Variants in INPP4B observed in about 807,000 individuals in gnomAD.
INPP4B encodes inositol polyphosphate-4-phosphatase type II B.
A neutral mutation model predicts 122.5 loss-of-function variants in INPP4B; 55 were observed. That is an observed-to-expected ratio of 0.45 (90% CI 0.36 to 0.56). INPP4B has a LOEUF of 0.56. Among genes scored for constraint, INPP4B ranks in the 20% least tolerant of loss-of-function variants. The pLI, the probability that INPP4B is intolerant of heterozygous loss-of-function variation, is 0.00. For synonymous variants in INPP4B, 403 were observed against 388.7 expected (o/e 1.04, Z -0.43); for missense variants, 1,000 against 1,097.7 (o/e 0.91, Z 1.26).
At chr4:142,664,847 T>C (rs1016742660) in intron 2 of INPP4B, among the ~76,000 whole-genome samples, 1 of 152,222 alleles carries the variant, frequency 6.6e-6, no homozygotes, top group Non-Finnish European at 1.5e-5. Context: ...GCAGAATATG[T>C]TCTGAGAAAT....
chr4:142,811,471 A>G (rs1343195289), intron 1 of INPP4B, among the ~76,000 whole-genome samples: 2 of 152,206 alleles, frequency 1.3e-5, no homozygotes, highest in African/African-American at 4.8e-5. Context: ...TACTGTGGAT[A>G]TCAATGGAAA....
chr4:142,651,252 G>T (rs1256437995), intron 2 of INPP4B, among the ~76,000 whole-genome samples: 1 of 152,146 alleles, frequency 6.6e-6, no homozygotes, highest in Non-Finnish European at 1.5e-5. Context: ...GCACTAAAAT[G>T]CCTGCAAGAG....
intron 2 of INPP4B, among the ~76,000 whole-genome samples, chr4:142,512,576 A>T (rs1205741670): frequency 6.6e-6 from 1 of 152,162 alleles, no homozygotes; most frequent in Non-Finnish European, 1.5e-5. Context: ...GTTTATGAGG[A>T]AAAAAATGTA....
rs191660799 is a variant in INPP4B, at chr4:142,195,085, T to C, written c.1073-1890A>G. 2.1e-3 allele frequency among the ~76,000 whole-genome samples: 326 copies of C among 152,260 alleles called. 2 individuals are homozygous for C. Among genetic ancestry groups the C allele is most frequent in the South Asian group, 0.013 (62 of 4,828 alleles). On this transcript the variant is annotated intron_variant, in intron 14 of 25. Transcript: ENST00000262992. ...TGGGTGACCAGCAATACCAACAATA[T>C]ACAGAATGACTAAAAATATTATTCA...
intron 2 of INPP4B, among the ~76,000 whole-genome samples, chr4:142,692,914 T>TATAGATAGATAG (rs3080817): frequency 0.033 from 4,953 of 148,318 alleles, 107 homozygotes; most frequent in Middle Eastern, 0.075. Context: ...GGCTAGTCTC[T>TATAGATAGATAG]ATAGATAGAT....
intron 5 of INPP4B, among the ~76,000 whole-genome samples, chr4:142,428,385 A>T (rs1355364282): frequency 6.6e-6 from 1 of 151,682 alleles, no homozygotes; most frequent in Non-Finnish European, 1.5e-5. Flanking sequence ...ACTTAGTTTA[A>T]AATAAAATAT....
At chr4:142,239,401 A>C (rs1420820901) in intron 11 of INPP4B, among the ~76,000 whole-genome samples, 1 of 152,178 alleles carries the variant, frequency 6.6e-6, no homozygotes, top group East Asian at 1.9e-4. Flanking sequence ...AAAATACTGC[A>C]TTTTAAAATC....
chr4:142,660,732 C>G (rs1183950681), intron 2 of INPP4B: 1 of 152,110 alleles, frequency 6.6e-6, no homozygotes, highest in East Asian at 1.9e-4. Context: ...CCCCTTGTTT[C>G]ACTTTGATAC....
intron 3 of INPP4B, among the ~76,000 whole-genome samples, chr4:142,431,666 G>T (rs528483004): frequency 5.5e-4 from 84 of 152,090 alleles, no homozygotes; most frequent in Non-Finnish European, 9.1e-4. Context: ...ATAGCTATAG[G>T]GGCTGCTAAC....
chr4:142,447,928 C>G (rs1334602540), intron 3 of INPP4B, among the ~76,000 whole-genome samples: 3 of 151,926 alleles, frequency 2.0e-5, no homozygotes, highest in African/African-American at 7.3e-5. Context: ...AAACATTCCC[C>G]AAAGAAGTGG....
In INPP4B at chr4:142,732,249, G is replaced by A. The variant is rs138157223; in HGVS notation, c.-253-6348C>T. Among the ~76,000 whole-genome samples, 1,386 of 152,158 alleles carry A rather than the reference G, an allele frequency of 9.1e-3. 10 individuals carry two copies. The highest frequency in any genetic ancestry group is 0.017 in the Middle Eastern group (5 of 294). On this transcript the variant is annotated intron_variant, in intron 1 of 25. Transcript: ENST00000262992. ...AGAGGCAATGGTTCCAGTTTATCTA[G>A]CATCTACTCACATGCTGATGAACTA...
chr4:142,511,502 C>T (rs898311638), intron 2 of INPP4B, among the ~76,000 whole-genome samples: 2 of 152,076 alleles, frequency 1.3e-5, no homozygotes, highest in African/African-American at 4.8e-5. Flanking sequence ...AGGTCGTGAG[C>T]TAACAAAAGT....
At chr4:142,202,528 C>A (rs1841080623) in intron 14 of INPP4B, among the ~76,000 whole-genome samples, 1 of 152,040 alleles carries the variant, frequency 6.6e-6, no homozygotes, top group Non-Finnish European at 1.5e-5. Context: ...CTCTCACATT[C>A]TTGAGATACA....
intron 7 of INPP4B, among the ~76,000 whole-genome samples, chr4:142,326,821 G>A (rs1054583997): frequency 6.6e-6 from 1 of 152,062 alleles, no homozygotes; most frequent in African/African-American, 2.4e-5. Context: ...TTTTTTACTT[G>A]TATTATTTCA....
intron 2 of INPP4B, among the ~76,000 whole-genome samples, chr4:142,719,856 A>T (rs1370475632): frequency 6.6e-6 from 1 of 152,196 alleles, no homozygotes; most frequent in Non-Finnish European, 1.5e-5. Context: ...TAAGGAAAAA[A>T]ATTAAAGATA....
chr4:142,670,343 C>A (rs1360563104), intron 2 of INPP4B, among the ~76,000 whole-genome samples: 1 of 152,038 alleles, frequency 6.6e-6, no homozygotes, highest in African/African-American at 2.4e-5. Context: ...TCTACATTTC[C>A]ATGTTTATTG....
intron 2 of INPP4B, among the ~76,000 whole-genome samples, chr4:142,549,015 C>T (rs116574739): frequency 0.019 from 2,946 of 152,050 alleles, 48 homozygotes; most frequent in Middle Eastern, 0.048. Flanking sequence ...TGAAATGGGA[C>T]CTGAGAGCTT....
intron 2 of INPP4B, among the ~76,000 whole-genome samples, chr4:142,579,916 T>C (rs1027157170): frequency 4.0e-5 from 6 of 151,486 alleles, no homozygotes; most frequent in African/African-American, 1.5e-4. Flanking sequence ...GATAGATAGA[T>C]AGATAGATAG....
At chr4:142,813,538 C>T (rs140184725) in intron 1 of INPP4B, among the ~76,000 whole-genome samples, 152 of 152,136 alleles carry the variant, frequency 1.0e-3, no homozygotes, top group Non-Finnish European at 1.3e-3. Flanking sequence ...GAATGATGTT[C>T]GGGGTTATTC....
Sources: allele counts gnomAD v4.1 joint callset (sites outside exome capture counted in the v4.1 genomes callset), GRCh38; gene constraint gnomAD v4.1.1; transcripts MANE v1.5; gene names NCBI Gene and HGNC (gene_info 2026-07-23, HGNC 2026-07-21).